The following SFT2D1 variants were observed in gnomAD, a reference collection of about 807,000 sequenced individuals.
SFT2D1 encodes the protein SFT2 domain containing 1.
A neutral mutation model predicts 28.1 loss-of-function variants in SFT2D1; 24 were observed. That is an observed-to-expected ratio of 0.85 (90% CI 0.62 to 1.20). The LOEUF is 1.20. Among genes scored for constraint, SFT2D1 ranks in the 50% most tolerant of loss-of-function variants. The pLI is 0.00. For synonymous variants in SFT2D1, 82 were observed against 73.7 expected, an observed-to-expected ratio of 1.11 and a Z score of -0.58; for missense variants, 181 against 190.9, an observed-to-expected ratio of 0.95 and a Z score of 0.31.
At chr6:166,325,764 G>A (rs555063102) in intron 5 of SFT2D1, 45 of 271,602 alleles carry the variant, frequency 1.7e-4, no homozygotes, top group African/African-American at 7.8e-4. Context: ...TGACCTCTAC[G>A]CTGTAGACAG....
intron 1 of SFT2D1, among the ~76,000 whole-genome samples, chr6:166,332,035 C>T (rs868004025): frequency 6.6e-6 from 1 of 152,154 alleles, no homozygotes; most frequent in African/African-American, 2.4e-5. Context: ...TGCCATCTTC[C>T]GTGTATTGAT....
chr6:166,323,212 A>G (rs1478867946), intron 6 of SFT2D1: 1 of 238,638 alleles, frequency 4.2e-6, no homozygotes, highest in African/African-American at 2.2e-5. Flanking sequence ...TGATAATTAT[A>G]GTCTCCTTTA....
At chr6:166,337,053 G>C (rs1011057431) in intron 1 of SFT2D1, among the ~76,000 whole-genome samples, 3 of 152,236 alleles carry the variant, frequency 2.0e-5, no homozygotes, top group South Asian at 2.1e-4. Context: ...ACAGGCTCTA[G>C]CAGGCAGGCC....
chr6:166,322,940 TA>T, intron 6 of SFT2D1, 54 bp from the exon 7 acceptor site: 1 of 1,500,870 alleles, frequency 6.7e-7, no homozygotes, highest in Non-Finnish European at 9.3e-7. Context: ...GGTTTTCCTT[TA>T]TGCCAAAAGG....
intron 4 of SFT2D1, among the ~76,000 whole-genome samples, chr6:166,326,428 T>C (rs575740952): frequency 2.3e-4 from 35 of 152,308 alleles, no homozygotes; most frequent in African/African-American, 8.2e-4. Context: ...CACATCCCCA[T>C]GAAAGCAAGC....
rs1778438435 is a variant in SFT2D1, at chr6:166,326,060, G to A, written c.351+72C>T. 4 of 1,331,702 alleles carry A rather than the reference G, an allele frequency of 3.0e-6. No individual in the cohort carries two copies. The Admixed American group carries it at 7.4e-5, about 25-fold the overall frequency. 82.5% of individuals were successfully genotyped at this position (1,331,702 alleles called of 1,614,324 possible). On this transcript the variant is annotated intron_variant, in intron 5 of 7. Coordinates refer to ENST00000361731, the MANE Select transcript of SFT2D1 (RefSeq NM_145169.3). ...AACAGATGAGCTATTTTAAGATAAT[G>A]GTGTGATGACACGTCAGCTGGGGTG...
At chr6:166,324,349 G>A (rs982978414) in intron 6 of SFT2D1, 188 bp downstream of exon 6, 4 of 522,352 alleles carry the variant, frequency 7.7e-6, no homozygotes, top group East Asian at 3.1e-5. Flanking sequence ...TACTTCTCCC[G>A]AACAGTACCA....
At chr6:166,325,826 CAT>C (rs1778435049) in intron 5 of SFT2D1, 2 of 436,442 alleles carry the variant, frequency 4.6e-6, no homozygotes, top group African/African-American at 4.0e-5. Flanking sequence ...CATGTGTGCA[CAT>C]GTGTGTTTAC....
chr6:166,329,383 T>A, intron 3 of SFT2D1, 124 bp downstream of exon 3: 2 of 729,176 alleles, frequency 2.7e-6, no homozygotes, highest in Middle Eastern at 5.0e-4. Context: ...TTAATGAATG[T>A]AAATCCTGTG....
chr6:166,320,829 T>G (rs1367685094), intron 7 of SFT2D1, among the ~76,000 whole-genome samples: 4 of 152,194 alleles, frequency 2.6e-5, no homozygotes, highest in Non-Finnish European at 5.9e-5. Context: ...AAGATTTAAT[T>G]TTTAAAAAGA....
intron 7 of SFT2D1, among the ~76,000 whole-genome samples, chr6:166,320,714 G>C (rs1778336915): frequency 6.8e-6 from 1 of 147,024 alleles, no homozygotes; most frequent in African/African-American, 2.5e-5. Flanking sequence ...ATAGGGTCTT[G>C]CTATGATGCC....
At chr6:166,328,769 A>C (rs1209030576) in intron 3 of SFT2D1, among the ~76,000 whole-genome samples, 1 of 152,214 alleles carries the variant, frequency 6.6e-6, no homozygotes, top group Non-Finnish European at 1.5e-5. Flanking sequence ...CAGGCCTCCA[A>C]CTGTGAGAAA....
chr6:166,335,921 A>G (rs1183180213), intron 1 of SFT2D1, among the ~76,000 whole-genome samples: 1 of 152,230 alleles, frequency 6.6e-6, no homozygotes, highest in Non-Finnish European at 1.5e-5. Flanking sequence ...ATGAGCAAAA[A>G]ACTCCAGGAC....
At chr6:166,321,767 C>G (rs534390034) in intron 7 of SFT2D1, among the ~76,000 whole-genome samples, 1 of 152,212 alleles carries the variant, frequency 6.6e-6, no homozygotes, top group African/African-American at 2.4e-5. Context: ...TTCTCCTCCA[C>G]GGCTAAATAC....
intron 4 of SFT2D1, among the ~76,000 whole-genome samples, chr6:166,328,032 A>G (rs928773116): frequency 6.6e-6 from 1 of 152,112 alleles, no homozygotes; most frequent in Non-Finnish European, 1.5e-5. Context: ...TCCTGCCATC[A>G]GGTGATCCGC....
intron 1 of SFT2D1, among the ~76,000 whole-genome samples, chr6:166,341,698 T>A (rs902242169): frequency 6.6e-6 from 1 of 152,220 alleles, no homozygotes; most frequent in Admixed American, 6.5e-5. Context: ...TAACGTGCAA[T>A]ATAATCGCAT....
In SFT2D1 at chr6:166,324,348, C is replaced by T. The variant is rs1487759263; in HGVS notation, c.410+189G>A. ...CGAGCACAGCACCCCATACTTCTCC[C>T]GAACAGTACCACTGAGCCACGCTGT... On this transcript the variant is annotated intron_variant, in intron 6 of 7. Transcript: ENST00000361731. The T allele has an allele frequency of 9.6e-6, 5 of 521,260 alleles. 1 individual carries two copies. In the South Asian group the frequency reaches 1.0e-4, roughly 11 times the overall value. The allele number at this position is 521,260 out of a possible 1,614,324, so 32.3% of individuals were successfully genotyped here.
intron 1 of SFT2D1, among the ~76,000 whole-genome samples, chr6:166,333,745 T>C (rs1191018383): frequency 6.6e-6 from 1 of 152,186 alleles, no homozygotes; most frequent in African/African-American, 2.4e-5. Context: ...CCTGGCAATC[T>C]AAGGCTTCTT....
At chr6:166,334,042 G>T (rs1306518289) in intron 1 of SFT2D1, among the ~76,000 whole-genome samples, 1 of 152,176 alleles carries the variant, frequency 6.6e-6, no homozygotes, top group South Asian at 2.1e-4. Flanking sequence ...ATGCTATTGG[G>T]CTTTTTCCTC....
Sources: allele counts gnomAD v4.1 joint callset (sites outside exome capture counted in the v4.1 genomes callset), GRCh38; gene constraint gnomAD v4.1.1; transcripts MANE v1.5; gene names NCBI Gene and HGNC (gene_info 2026-07-23, HGNC 2026-07-21).